The following WDR19 variants were observed in gnomAD, a reference collection of about 807,000 sequenced individuals.
WDR19 encodes the protein WD repeat-containing protein 19.
A neutral mutation model predicts 180.0 loss-of-function variants in WDR19; 121 were observed. That is an observed-to-expected ratio of 0.67 (90% CI 0.58 to 0.78). The LOEUF (loss-of-function observed/expected upper bound fraction) is 0.78. Among genes scored for constraint, WDR19 ranks in the 30% least tolerant of loss-of-function variants. WDR19 has a pLI of 0.00. For synonymous variants in WDR19, 497 were observed against 540.7 expected (o/e 0.92, Z 1.12); for missense variants, 1,450 against 1,640.7 (o/e 0.88, Z 2.01).
At chr4:39,244,201 G>A (rs1201262328) in intron 21 of WDR19, 47 bp from the exon 22 acceptor site, 6 of 1,594,034 alleles carry the variant, frequency 3.8e-6, no homozygotes, top group Admixed American at 1.7e-5. Flanking sequence ...TAAACACATC[G>A]TGTTAAGCTA....
At chr4:39,183,897 G>A (rs1483964222) in intron 1 of WDR19, among the ~76,000 whole-genome samples, 1 of 152,154 alleles carries the variant, frequency 6.6e-6, no homozygotes, top group African/African-American at 2.4e-5. Flanking sequence ...CACAGCTAGA[G>A]GCAAGTCAGC....
chr4:39,246,974 A>G (rs1732593080), intron 24 of WDR19, among the ~76,000 whole-genome samples: 1 of 152,222 alleles, frequency 6.6e-6, no homozygotes, highest in African/African-American at 2.4e-5. Flanking sequence ...GCAGACTTAA[A>G]TGTCCCTGTC....
Position 39,218,001 on chromosome 4 carries a change from G to A in WDR19, c.1375G>A (p.Asp459Asn). ...GTTTTAGATAGAAAGCGAAATCTTG[G>A]ATGCTCAAGAAGAACGTGAGACTCG... ...QLHLIESEIL[D>N]AQEERETRLF... The change falls in exon 14 of 37, where the codon GAT becomes AAT. Residue 459 changes from aspartate to asparagine, a missense_variant. Transcript: ENST00000399820. The A allele has an allele frequency of 6.2e-7, 1 of 1,613,596 alleles. No homozygotes were observed.
At chr4:39,223,480 G>A (rs1729911553) in intron 14 of WDR19, among the ~76,000 whole-genome samples, 1 of 151,776 alleles carries the variant, frequency 6.6e-6, no homozygotes, top group Admixed American at 6.6e-5. Flanking sequence ...ACAGGCACAC[G>A]CCACCACGCC....
At chr4:39,270,399 C>T (rs186411098) in intron 31 of WDR19, among the ~76,000 whole-genome samples, 5 of 152,180 alleles carry the variant, frequency 3.3e-5, no homozygotes, top group East Asian at 3.9e-4. Context: ...GTTTTTGAGA[C>T]GACGTCTTGC....
chr4:39,221,830 G>A (rs1577916418), intron 14 of WDR19, among the ~76,000 whole-genome samples: 2 of 152,160 alleles, frequency 1.3e-5, no homozygotes, highest in African/African-American at 4.8e-5. Context: ...GCATTATGCT[G>A]TTGTGTGTGT....
intron 3 of WDR19, among the ~76,000 whole-genome samples, chr4:39,188,534 A>T (rs534973142): frequency 6.0e-5 from 9 of 151,072 alleles, no homozygotes; most frequent in African/African-American, 2.2e-4. Context: ...AACTATAATC[A>T]TTTGAGCCCA....
Position 39,254,135 on chromosome 4 carries a change from G to T in WDR19, c.3001+105G>T, listed in dbSNP as rs552007605. ...TTGGTATACATACAAGAATGCGCCT[G>T]GTGTAAATGTTTACCATTTATACAT... On this transcript the variant is annotated intron_variant, in intron 26 of 36. Coordinates refer to ENST00000399820, the MANE Select transcript of WDR19 (RefSeq NM_025132.4). The T allele has an allele frequency of 4.7e-5, 54 of 1,159,404 alleles. No homozygotes were observed. The South Asian group carries it at 9.2e-4, about 20-fold the overall frequency. 71.8% of individuals were successfully genotyped at this position (1,159,404 alleles called of 1,614,324 possible). A position where few individuals can be genotyped will look rare whatever the true frequency, so the allele number is the denominator to read the frequency against.
rs1276466553 is a variant in WDR19 at position 39,208,440 on chromosome 4, G to A, written c.890+2704G>A. Among the ~76,000 whole-genome samples the A allele has an allele frequency of 2.0e-5, 3 of 151,896 alleles. No individual in the cohort carries two copies. The East Asian group carries it at 5.8e-4, about 29-fold the overall frequency. On this transcript the variant is annotated intron_variant, in intron 9 of 36. Transcript: ENST00000399820. ...TCCTACCTCAGCCTCCCAAGTAGCT[G>A]GGATTACAGGTGTGCACCACCATGC...
At chr4:39,194,758 G>A in intron 5 of WDR19, 99 bp downstream of exon 5, 9 of 898,032 alleles carry the variant, frequency 1.0e-5, no homozygotes, top group Non-Finnish European at 1.6e-5. Context: ...TGGAAATTTT[G>A]CAGTACAAAC....
Position 39,228,543 on chromosome 4 carries a change from T to A in WDR19, c.1835T>A (p.Leu612Gln). 2 of 1,613,970 alleles carry A rather than the reference T, an allele frequency of 1.2e-6. No homozygotes were observed. Among genetic ancestry groups the A allele is most frequent in the Middle Eastern group, 1.6e-4 (1 of 6,062 alleles). ...TKVPFAHKPL[L>Q]LYNGELTCQT... ...GTTCCTTTTGCTCATAAACCTTTGC[T>A]GCTATATAATGGAGAGCTGACCTGC... Residue 612 changes from leucine to glutamine, a missense_variant, in exon 17 of 37, where the codon CTG becomes CAG. Transcript: ENST00000399820.
At chr4:39,191,975 T>C (rs1726205963) in intron 4 of WDR19, among the ~76,000 whole-genome samples, 1 of 152,248 alleles carries the variant, frequency 6.6e-6, no homozygotes, top group Non-Finnish European at 1.5e-5. Context: ...TAGTATCATA[T>C]TGTAATTTGC....
At chr4:39,194,880 G>C (rs954241142) in intron 5 of WDR19, 2 of 475,410 alleles carry the variant, frequency 4.2e-6, no homozygotes, top group Non-Finnish European at 7.5e-6. Context: ...TTAAAGTCAG[G>C]CTGTGCCTTT....
intron 9 of WDR19, among the ~76,000 whole-genome samples, chr4:39,211,200 AG>A (rs1728469601): frequency 6.6e-6 from 1 of 151,796 alleles, no homozygotes; most frequent in Non-Finnish European, 1.5e-5. Flanking sequence ...CAAAAAAAAA[AG>A]AACAACTACA....
intron 14 of WDR19, among the ~76,000 whole-genome samples, chr4:39,222,386 T>C (rs1361375980): frequency 6.6e-6 from 1 of 152,218 alleles, no homozygotes; most frequent in Non-Finnish European, 1.5e-5. Flanking sequence ...CTTAATAGTG[T>C]CTTTCAAAGA....
chr4:39,203,103 TTTTTC>T (rs1212273171), intron 6 of WDR19, among the ~76,000 whole-genome samples: 1 of 65,554 alleles, frequency 1.5e-5, no homozygotes, highest in African/African-American at 8.6e-5. Flanking sequence ...TTCCTTTTTC[TTTTTC>T]TTTCTTTTTT....
In WDR19 at chr4:39,270,860, T is replaced by C. The variant is rs1300169256; in HGVS notation, c.3483+760T>C. On this transcript the variant is annotated intron_variant, in intron 31 of 36. Coordinates refer to ENST00000399820, the MANE Select transcript of WDR19 (RefSeq NM_025132.4). Reference sequence around the variant, plus strand: ...TTCATCCAAATATAAAAATAATACATATTCCCTAAGAAAGTTTAAAAAATA... The same window carrying C: ...TTCATCCAAATATAAAAATAATACACATTCCCTAAGAAAGTTTAAAAAATA... Among the ~76,000 whole-genome samples the C allele has an allele frequency of 3.3e-5, 5 of 152,068 alleles. No homozygotes were observed. The East Asian group carries it at 9.7e-4, about 29-fold the overall frequency.
Position 39,217,234 on chromosome 4 carries a change from A to G in WDR19, c.1350A>G (p.Leu450=), listed in dbSNP as rs770470368. The G allele has an allele frequency of 8.8e-6, 14 of 1,592,186 alleles. No homozygotes were observed. In the Admixed American group the frequency reaches 2.5e-4, roughly 28 times the overall value. ...CACTTTTTGAAGGCAAAGTCCAGTT[A>G]CATTTGGTAAGTATAATTTTGATGT... The part of the protein sequence containing the change: ...AAALFEGKVQ[L]HLIESEILDA... The change falls in exon 13 of 37, where the codon TTA becomes TTG. Residue 450 remains leucine (L), a synonymous_variant. Coordinates refer to ENST00000399820, the MANE Select transcript of WDR19 (RefSeq NM_025132.4).
Position 39,277,111 on chromosome 4 carries a change from T to G in WDR19, c.3808T>G (p.Cys1270Gly). 6.2e-7 allele frequency: 1 copy of G among 1,613,430 alleles called. No individual in the cohort carries two copies. Among genetic ancestry groups the G allele is most frequent in the Non-Finnish European group, 8.5e-7 (1 of 1,179,666 alleles). The change falls in exon 34 of 37, where the codon TGT (cysteine) becomes GGT (glycine). Residue 1270 changes from cysteine (C) to glycine (G), a missense_variant. Physicochemically the swap from Cys to Gly is radical, Grantham distance 159. Coordinates refer to ENST00000399820, the MANE Select transcript of WDR19 (RefSeq NM_025132.4). ...AGAGTGTGAACTCCTCTGTCCTGGA[T>G]GTAAAAACAGTATCCCATATTGCAT... ...LPECELLCPGCKNSIPYCIAT... is the reference protein window; with the variant it reads ...LPECELLCPGGKNSIPYCIAT...
Sources: gnomAD v4.1 joint callset for allele counts (sites outside exome capture counted in the v4.1 genomes callset) on GRCh38, gnomAD v4.1.1 for gene constraint, MANE v1.5 for transcripts, NCBI Gene and HGNC (gene_info 2026-07-23, HGNC 2026-07-21) for gene names.